The following FABP12 variants were observed in gnomAD, a reference collection of about 807,000 sequenced individuals.
FABP12 encodes fatty acid binding protein 12.
In FABP12, 19 loss-of-function variants were observed where a neutral mutation model predicts 13.7. That is an observed-to-expected ratio of 1.39 (90% CI 0.97 to 2.04). FABP12 has a LOEUF of 2.04. Ranked by LOEUF, FABP12 falls within the 30% of genes most tolerant of loss-of-function variation. FABP12 has a pLI of 0.00. For synonymous variants in FABP12, 61 were observed against 57.0 expected, an observed-to-expected ratio of 1.07 and a Z score of -0.32; for missense variants, 182 against 164.2, an observed-to-expected ratio of 1.11 and a Z score of -0.59.
intron 1 of FABP12, among the ~76,000 whole-genome samples, chr8:81,541,286 C>T (rs1156235726): frequency 1.3e-5 from 2 of 152,150 alleles, no homozygotes; most frequent in Admixed American, 1.3e-4. Flanking sequence ...GAACCAACTC[C>T]AGATTTACTG....
intron 4 of FABP12, among the ~76,000 whole-genome samples, chr8:81,525,335 G>A (rs1284073660): frequency 1.3e-5 from 2 of 152,130 alleles, no homozygotes; most frequent in Non-Finnish European, 2.9e-5. Flanking sequence ...GGCCAACACG[G>A]TGAAACCCCG....
At chr8:81,552,654 T>A (rs1001296563) in intron 1 of FABP12, among the ~76,000 whole-genome samples, 2 of 152,202 alleles carry the variant, frequency 1.3e-5, no homozygotes, top group African/African-American at 4.8e-5. Context: ...GGGGCACCAA[T>A]GCTTCATTTA....
chr8:81,557,222 A>G (rs1473817972), intron 1 of FABP12, among the ~76,000 whole-genome samples: 1 of 152,032 alleles, frequency 6.6e-6, no homozygotes, highest in Non-Finnish European at 1.5e-5. Context: ...AGAAGCTACT[A>G]ATTTTTGAAA....
chr8:81,566,112 C>T (rs1393330052), intron 1 of FABP12, among the ~76,000 whole-genome samples: 1 of 151,822 alleles, frequency 6.6e-6, no homozygotes, highest in Non-Finnish European at 1.5e-5. Context: ...CAAGATTGAA[C>T]CATAAGGAAA....
intron 1 of FABP12, among the ~76,000 whole-genome samples, chr8:81,549,208 C>T (rs889834910): frequency 6.4e-5 from 9 of 139,580 alleles, no homozygotes; most frequent in African/African-American, 1.1e-4. Flanking sequence ...CTCTCTCTTT[C>T]GCCTCTACAC....
Position 81,564,397 on chromosome 8 carries a change from T to C in FABP12, c.-184-24654A>G, listed in dbSNP as rs75289964. Among the ~76,000 whole-genome samples the C allele has an allele frequency of 1.4e-4, 21 of 152,188 alleles. No homozygotes were observed. In the East Asian group the frequency reaches 4.1e-3, roughly 29 times the overall value. On this transcript the variant is annotated intron_variant, in intron 1 of 5. Transcript: ENST00000692030. ...AAACACAGAACATTATAAAATATAA[T>C]TGTGGAGTGTAAACTGATAACTTGA...
intron 1 of FABP12, among the ~76,000 whole-genome samples, chr8:81,572,418 A>T (rs1809949149): frequency 6.6e-6 from 1 of 152,158 alleles, no homozygotes; most frequent in Admixed American, 6.5e-5. Flanking sequence ...ATAAACATGT[A>T]TGTGCAAGAA....
chr8:81,588,704 A>G (rs2130117349), intron 1 of FABP12, among the ~76,000 whole-genome samples: 1 of 152,284 alleles, frequency 6.6e-6, no homozygotes, highest in East Asian at 1.9e-4. Context: ...AACTGGTGAA[A>G]GTAAGCATTC....
At chr8:81,551,265 A>G (rs954627532) in intron 1 of FABP12, among the ~76,000 whole-genome samples, 2 of 152,132 alleles carry the variant, frequency 1.3e-5, no homozygotes, top group African/African-American at 2.4e-5. Context: ...TTCTAATGTG[A>G]AGCTATGATT....
intron 1 of FABP12, among the ~76,000 whole-genome samples, chr8:81,576,676 A>T (rs1166039320): frequency 1.3e-5 from 2 of 152,188 alleles, no homozygotes; most frequent in African/African-American, 4.8e-5. Context: ...AGTTAAATGG[A>T]TATGCTGTTA....
intron 1 of FABP12, among the ~76,000 whole-genome samples, chr8:81,549,092 G>T (rs538766997): frequency 6.6e-6 from 1 of 152,126 alleles, no homozygotes; most frequent in East Asian, 1.9e-4. Flanking sequence ...CTGCCTGTAG[G>T]ACTCAGACTA....
chr8:81,581,145 T>C (rs78766650), intron 1 of FABP12, among the ~76,000 whole-genome samples: 2,343 of 152,234 alleles, frequency 0.015, 59 homozygotes, highest in African/African-American at 0.053. Flanking sequence ...TGCTAAACTC[T>C]AATCAGAGTG....
intron 1 of FABP12, among the ~76,000 whole-genome samples, chr8:81,563,858 G>A (rs920513766): frequency 6.6e-6 from 1 of 152,140 alleles, no homozygotes; most frequent in East Asian, 1.9e-4. Context: ...AAAGAGTAGA[G>A]GGTAGAAAGT....
chr8:81,545,787 G>T (rs944877308), intron 1 of FABP12, among the ~76,000 whole-genome samples: 1 of 152,138 alleles, frequency 6.6e-6, no homozygotes, highest in Non-Finnish European at 1.5e-5. Flanking sequence ...TTATAGGGAT[G>T]TTTTCAATCC....
chr8:81,554,769 TA>T (rs1809579569), intron 1 of FABP12, among the ~76,000 whole-genome samples: 1 of 151,834 alleles, frequency 6.6e-6, no homozygotes, highest in East Asian at 1.9e-4. Flanking sequence ...GGGCTACATA[TA>T]AAATACACCA....
intron 1 of FABP12, among the ~76,000 whole-genome samples, chr8:81,568,563 A>C (rs1809869261): frequency 6.6e-6 from 1 of 152,224 alleles, no homozygotes; most frequent in Non-Finnish European, 1.5e-5. Flanking sequence ...TATGGAGAAC[A>C]ATATGGAGAT....
Position 81,528,228 on chromosome 8 carries a change from C to T in FABP12, c.247-1107G>A, listed in dbSNP as rs574456650. 2.0e-5 allele frequency among the ~76,000 whole-genome samples: 3 copies of T among 152,144 alleles called. No homozygotes were observed. The East Asian group carries it at 5.8e-4, about 29-fold the overall frequency. ...CTGAGTAGCTGGAACTATAGGCACG[C>T]ACCACCACAGTGGCTAATCTTTGTG... On this transcript the variant is annotated intron_variant, in intron 3 of 4. Transcript: ENST00000360464.
chr8:81,559,956 C>T (rs1325549248), intron 1 of FABP12, among the ~76,000 whole-genome samples: 1 of 152,172 alleles, frequency 6.6e-6, no homozygotes, highest in Non-Finnish European at 1.5e-5. Context: ...GTTCAGATAT[C>T]ATTATATGGG....
intron 1 of FABP12, among the ~76,000 whole-genome samples, chr8:81,586,456 A>AC (rs1810240853): frequency 6.6e-6 from 1 of 152,304 alleles, no homozygotes; most frequent in African/African-American, 2.4e-5. Context: ...TTACGTTCTA[A>AC]CCAGCAGTGT....
Sources: allele counts gnomAD v4.1 joint callset (sites outside exome capture counted in the v4.1 genomes callset), GRCh38; gene constraint gnomAD v4.1.1; transcripts MANE v1.5; gene names NCBI Gene and HGNC (gene_info 2026-07-23, HGNC 2026-07-21).